Variants in MARK2 observed in about 807,000 individuals in gnomAD.
MARK2 encodes serine/threonine-protein kinase MARK2.
A neutral mutation model predicts 89.8 loss-of-function variants in MARK2; 16 were observed. The observed-to-expected ratio is 0.18, with a 90% CI of 0.12 to 0.27. The LOEUF (loss-of-function observed/expected upper bound fraction) is 0.27, where lower values mean the gene tolerates loss of function less well. Among genes scored for constraint, MARK2 ranks in the 10% least tolerant of loss-of-function variants. The probability of loss-of-function intolerance (pLI) is 1.00; values close to 1 mark genes in which losing one functional copy is unlikely to be tolerated. For synonymous variants in MARK2, 382 were observed against 399.5 expected, an observed-to-expected ratio of 0.96 and a Z score of 0.52; for missense variants, 621 against 1,049.9, an observed-to-expected ratio of 0.59 and a Z score of 5.65.
At chr11:63,878,518 C>T (rs1338097338) in intron 1 of MARK2, among the ~76,000 whole-genome samples, 1 of 151,922 alleles carries the variant, frequency 6.6e-6, no homozygotes, top group African/African-American at 2.4e-5. Flanking sequence ...TACAGGTGCC[C>T]ACCACCACGC....
At chr11:63,876,777 TCCTTCAAAACA>T (rs1938784404) in intron 1 of MARK2, among the ~76,000 whole-genome samples, 1 of 152,186 alleles carries the variant, frequency 6.6e-6, no homozygotes, top group African/African-American at 2.4e-5. Flanking sequence ...GCTGCTTGCC[TCCTTCAAAACA>T]CCCAGCATTC....
At position 63,909,329 on chromosome 11, in the gene MARK2, G is replaced by C; in HGVS notation, c.*92G>C. ...CCACCTGGGCGAGACTGCAGCGATG[G>C]ATTGGTGTGTCTCCCCTGCTGGCAC... On this transcript the variant is annotated 3_prime_UTR_variant, in exon 19 of 19. Transcript: ENST00000402010. 1 of 1,334,462 alleles carries C rather than the reference G, an allele frequency of 7.5e-7. No homozygotes were observed. The highest frequency in any genetic ancestry group is 1.0e-6 in the Non-Finnish European group (1 of 1,000,196). 82.7% of individuals were successfully genotyped at this position (1,334,462 alleles called of 1,614,324 possible). A position where few individuals can be genotyped will look rare whatever the true frequency, so the allele number is the denominator to read the frequency against.
intron 1 of MARK2, among the ~76,000 whole-genome samples, chr11:63,874,357 T>C (rs376219452): frequency 7.2e-5 from 11 of 152,248 alleles, no homozygotes; most frequent in African/African-American, 2.4e-4. Context: ...TATACAAATA[T>C]ACCCTTAAGA....
At chr11:63,891,489 G>T (rs1366497487) in intron 1 of MARK2, among the ~76,000 whole-genome samples, 1 of 152,210 alleles carries the variant, frequency 6.6e-6, no homozygotes, top group African/African-American at 2.4e-5. Flanking sequence ...TCACCAAGAG[G>T]GATGGGCAGA....
chr11:63,888,016 A>G (rs1939507027), intron 1 of MARK2, among the ~76,000 whole-genome samples: 1 of 152,200 alleles, frequency 6.6e-6, no homozygotes, highest in Admixed American at 6.5e-5. Flanking sequence ...TGATTTTTTC[A>G]TTGATAGAAT....
chr11:63,845,752 T>C (rs2016246644), intron 1 of MARK2, among the ~76,000 whole-genome samples: 1 of 152,152 alleles, frequency 6.6e-6, no homozygotes, highest in Admixed American at 6.5e-5. Context: ...GAGACAGTCT[T>C]GCTCTGGTCA....
In MARK2 at chr11:63,873,721, C is replaced by G. The variant is rs113863583; in HGVS notation, c.55-21438C>G. Among the ~76,000 whole-genome samples the G allele has an allele frequency of 5.0e-3, 766 of 152,296 alleles. 3 individuals carry two copies. Among genetic ancestry groups the G allele is most frequent in the African/African-American group, 0.017 (724 of 41,542 alleles). Reference sequence around the variant, plus strand: ...AGTGCAGTGGCGCGATCTCGGCTCGCTGCAACCTCCACACCCCAGATTAAA... The same window carrying G: ...AGTGCAGTGGCGCGATCTCGGCTCGGTGCAACCTCCACACCCCAGATTAAA... On this transcript the variant is annotated intron_variant, in intron 1 of 18. Transcript: ENST00000402010.
intron 1 of MARK2, among the ~76,000 whole-genome samples, chr11:63,864,434 A>G (rs1938012839): frequency 6.7e-6 from 1 of 150,268 alleles, no homozygotes; most frequent in Non-Finnish European, 1.5e-5. Flanking sequence ...TTGTATTTTT[A>G]GTAGATACGG....
intron 3 of MARK2, among the ~76,000 whole-genome samples, chr11:63,896,553 A>G (rs1416382161): frequency 6.6e-6 from 1 of 152,238 alleles, no homozygotes; most frequent in Non-Finnish European, 1.5e-5. Context: ...AGAGTCAGAT[A>G]GTGATACTGG....
intron 1 of MARK2, among the ~76,000 whole-genome samples, chr11:63,845,530 G>T (rs1270007989): frequency 2.6e-5 from 4 of 152,120 alleles, no homozygotes. Flanking sequence ...CTGAAGTGTT[G>T]TCTATGCATT....
chr11:63,905,988 C>G, intron 16 of MARK2, 100 bp from the exon 17 acceptor site: 1 of 1,028,458 alleles, frequency 9.7e-7, no homozygotes, highest in Non-Finnish European at 1.3e-6. Flanking sequence ...ACCCTTGAAC[C>G]TGTAAAGCCA....
Position 63,910,232 on chromosome 11 carries a change from C to T in MARK2, c.*995C>T, listed in dbSNP as rs1187223154. ...CTCGCCCTTCCTCTCCCCATGGCTT[C>T]CCCTTCATTGGCATTAATCTGGGCA... On this transcript the variant is annotated 3_prime_UTR_variant, in exon 19 of 19. Transcript: ENST00000402010. The T allele has an allele frequency of 6.5e-6, 1 of 152,830 alleles. No homozygotes were observed. 9.5% of individuals were successfully genotyped at this position (152,830 alleles called of 1,614,324 possible). A position where few individuals can be genotyped will look rare whatever the true frequency, so the allele number is the denominator to read the frequency against.
intron 18 of MARK2, among the ~76,000 whole-genome samples, chr11:63,908,532 T>G (rs915952984): frequency 1.3e-5 from 2 of 152,102 alleles, no homozygotes; most frequent in African/African-American, 2.4e-5. Context: ...GAGTTCTGGG[T>G]CGGGTGGTTG....
Position 63,909,225 on chromosome 11 carries a change from G to A in MARK2, c.2355G>A (p.Glu785=). 6.3e-7 allele frequency: 1 copy of A among 1,588,620 alleles called. No homozygotes were observed. The highest frequency in any genetic ancestry group is 8.6e-7 in the Non-Finnish European group (1 of 1,159,388). Residue 785 remains glutamate (E), a synonymous_variant, in exon 19 of 19, where the codon GAG becomes GAA. Coordinates refer to ENST00000402010, the MANE Select transcript of MARK2 (RefSeq NM_001039469.3). ...ACATTGCCTCCAAAATAGCCAACGAGCTGAAGCTTTAACAGGCTGCCAGGA... is the reference window on the plus strand; with the variant it reads ...ACATTGCCTCCAAAATAGCCAACGAACTGAAGCTTTAACAGGCTGCCAGGA... ...FKNIASKIAN[E]LKL
chr11:63,845,458 T>C (rs1229634944), intron 1 of MARK2, among the ~76,000 whole-genome samples: 1 of 152,188 alleles, frequency 6.6e-6, no homozygotes. Flanking sequence ...TTTGTACGTT[T>C]TGTGCTTGTA....
intron 1 of MARK2, among the ~76,000 whole-genome samples, chr11:63,877,334 C>T (rs541410759): frequency 3.9e-5 from 6 of 152,040 alleles, no homozygotes; most frequent in South Asian, 2.1e-4. Flanking sequence ...TGGTCTCGAA[C>T]GCCTGACTTC....
rs1038753354 is a variant in MARK2, at chr11:63,901,077, C to T, written c.1101+8C>T. ...GGCTACAAGAGCTCCGAGGTGTGTG[C>T]TCCCCGCCCCATTCTCTGACCTGGC... On this transcript the variant is annotated splice_region_variant and intron_variant, in intron 11 of 18. Coordinates refer to ENST00000402010, the MANE Select transcript of MARK2 (RefSeq NM_001039469.3). 7 of 1,586,806 alleles carry T rather than the reference C, an allele frequency of 4.4e-6. No homozygotes were observed. Among genetic ancestry groups the T allele is most frequent in the African/African-American group, 4.0e-5 (3 of 74,534 alleles).
At chr11:63,877,358 G>C (rs1029819048) in intron 1 of MARK2, among the ~76,000 whole-genome samples, 1 of 152,056 alleles carries the variant, frequency 6.6e-6, no homozygotes, top group Non-Finnish European at 1.5e-5. Flanking sequence ...TGATCCGCCC[G>C]CCTCAGCCTC....
Position 63,909,029 on chromosome 11 carries a change from C to T in MARK2, c.2159C>T (p.Ala720Val), listed in dbSNP as rs769778776. 2 of 1,598,696 alleles carry T rather than the reference C, an allele frequency of 1.3e-6. No individual in the cohort carries two copies. The highest frequency in any genetic ancestry group is 2.2e-5 in the South Asian group (2 of 90,736). Residue 720 changes from alanine to valine, a missense_variant, in exon 19 of 19, where the codon GCG (alanine) becomes GTG (valine). This residue lies in a region of MARK2 where 49 missense variants were observed against 46.7 expected (regional missense o/e 1.05). Transcript: ENST00000402010. The stretch of plus-strand genomic sequence containing the variant: ...CGGGAGATCCGCAAGGTGCTGGACG[C>T]GAACAGCTGCCAGAGCGAGCTGCAT... ...MMREIRKVLD[A>V]NSCQSELHEK...
Sources: allele counts gnomAD v4.1 joint callset (sites outside exome capture counted in the v4.1 genomes callset), GRCh38; gene constraint gnomAD v4.1.1; regional missense constraint gnomAD v4.1.1; transcripts MANE v1.5; gene names NCBI Gene and HGNC (gene_info 2026-07-23, HGNC 2026-07-21).